Variants in KCNT2 observed in about 807,000 individuals in gnomAD.
KCNT2 encodes potassium sodium-activated channel subfamily T member 2.
In KCNT2, 67 loss-of-function variants were observed where a neutral mutation model predicts 153.8. That is an observed-to-expected ratio of 0.44 (90% CI 0.36 to 0.53). The LOEUF is 0.53. KCNT2 is among the 20% of genes least tolerant of loss of function. The pLI is 0.00. For missense variants in KCNT2, 975 were observed against 1,354.8 expected (o/e 0.72, Z 4.40); for synonymous variants, 500 against 458.8 (o/e 1.09, Z -1.15).
intron 1 of KCNT2, among the ~76,000 whole-genome samples, chr1:196,505,515 T>C (rs9729086): frequency 0.96 from 138,627 of 143,980 alleles, 66,927 homozygotes; most frequent in Non-Finnish European, 1. Context: ...AGTCAGGTAG[T>C]GTGATGCCTC....
At chr1:196,369,814 G>A (rs1039501784) in intron 14 of KCNT2, among the ~76,000 whole-genome samples, 1 of 152,080 alleles carries the variant, frequency 6.6e-6, no homozygotes, top group Non-Finnish European at 1.5e-5. Context: ...ATAGCAGCAT[G>A]ATTTATAGTC....
At chr1:196,297,272 ATAATT>A (rs1159973830) in intron 22 of KCNT2, among the ~76,000 whole-genome samples, 1 of 152,144 alleles carries the variant, frequency 6.6e-6, no homozygotes, top group East Asian at 1.9e-4. Flanking sequence ...CCACATTCTA[ATAATT>A]TAATTTTATT....
At chr1:196,312,236 G>A (rs1380173245) in intron 21 of KCNT2, among the ~76,000 whole-genome samples, 1 of 151,504 alleles carries the variant, frequency 6.6e-6, no homozygotes, top group Non-Finnish European at 1.5e-5. Flanking sequence ...ACTGTGTAGG[G>A]AGGCGAACAG....
chr1:196,504,749 G>A (rs1195131437), intron 1 of KCNT2, among the ~76,000 whole-genome samples: 2 of 152,116 alleles, frequency 1.3e-5, no homozygotes, highest in Non-Finnish European at 2.9e-5. Flanking sequence ...AGCACCTGTT[G>A]TTTCTTGACT....
At chr1:196,451,181 G>T (rs190716351) in intron 8 of KCNT2, among the ~76,000 whole-genome samples, 39 of 135,328 alleles carry the variant, frequency 2.9e-4, no homozygotes, top group African/African-American at 9.2e-4. Flanking sequence ...ATAAATATTC[G>T]CATTGTTAGT....
At chr1:196,425,283 A>G (rs1262958277) in intron 11 of KCNT2, among the ~76,000 whole-genome samples, 1 of 151,948 alleles carries the variant, frequency 6.6e-6, no homozygotes, top group Non-Finnish European at 1.5e-5. Context: ...TGCCTGGTAC[A>G]TGCACAAAAA....
At chr1:196,338,045 T>C (rs1435600707) in intron 16 of KCNT2, among the ~76,000 whole-genome samples, 1 of 152,042 alleles carries the variant, frequency 6.6e-6, no homozygotes, top group Non-Finnish European at 1.5e-5. Context: ...TAAGTACTTT[T>C]TGAAGACATT....
chr1:196,492,271 G>C lies in KCNT2; in HGVS notation c.166C>G (p.Gln56Glu). The change falls in exon 2 of 28, where the codon CAG becomes GAG. Residue 56 changes from glutamine to glutamate, a missense_variant. Coordinates refer to ENST00000294725, the MANE Select transcript of KCNT2 (RefSeq NM_198503.5). ...GAAATGAATAACTTACTTGATCTCT[G>C]GTTTTTTATGAAAAATAATTTTAGT... ...ERLKLFFIKN[Q>E]RSSLRIRLFN... 1 of 1,418,342 alleles carries C rather than the reference G, an allele frequency of 7.1e-7. No individual in the cohort carries two copies. The allele number at this position is 1,418,342 out of a possible 1,614,324, so 87.9% of individuals were successfully genotyped here. A position where few individuals can be genotyped will look rare whatever the true frequency, so the allele number is the denominator to read the frequency against.
At chr1:196,366,838 A>G (rs1668085194) in intron 14 of KCNT2, among the ~76,000 whole-genome samples, 1 of 152,212 alleles carries the variant, frequency 6.6e-6, no homozygotes, top group Non-Finnish European at 1.5e-5. Flanking sequence ...TCTGTCACAC[A>G]GTGAATATTC....
intron 21 of KCNT2, among the ~76,000 whole-genome samples, chr1:196,313,923 T>C (rs773161829): frequency 5.3e-5 from 8 of 151,652 alleles, no homozygotes; most frequent in Non-Finnish European, 1.2e-4. Context: ...AGTTAAGGTA[T>C]CCAAAGTTAT....
chr1:196,481,723 A>G (rs951634980), intron 4 of KCNT2, among the ~76,000 whole-genome samples: 2 of 152,204 alleles, frequency 1.3e-5, no homozygotes, highest in African/African-American at 4.8e-5. Flanking sequence ...AAAACAAAAC[A>G]AAGAAGTAAC....
At chr1:196,512,449 CT>C (rs745751257) in intron 1 of KCNT2, among the ~76,000 whole-genome samples, 17 of 152,128 alleles carry the variant, frequency 1.1e-4, no homozygotes, top group Non-Finnish European at 2.5e-4. Flanking sequence ...ACTTAAATTC[CT>C]TGTTCTCTTC....
Position 196,417,720 on chromosome 1 carries a change from C to T in KCNT2, c.1185+5330G>A, listed in dbSNP as rs186400130. Among the ~76,000 whole-genome samples, 614 of 152,204 alleles carry T rather than the reference C, an allele frequency of 4.0e-3. 8 individuals carry two copies. Among genetic ancestry groups the T allele is most frequent in the Middle Eastern group, 0.014 (4 of 294 alleles). On this transcript the variant is annotated intron_variant, in intron 12 of 27. Transcript: ENST00000294725. ...GCGATGGGGATATATTCTGAGAAAT[C>T]CATCATTAGACGATTTTGTCATTGG...
intron 22 of KCNT2, among the ~76,000 whole-genome samples, chr1:196,304,125 T>TA (rs1444465666): frequency 1.3e-5 from 2 of 152,062 alleles, no homozygotes; most frequent in Admixed American, 1.3e-4. Context: ...CCTGTGGCCA[T>TA]AAAAAAGCAG....
intron 8 of KCNT2, among the ~76,000 whole-genome samples, chr1:196,438,319 G>C (rs993432714): frequency 3.3e-5 from 5 of 151,698 alleles, no homozygotes; most frequent in African/African-American, 1.2e-4. Context: ...AGAGAAAGTG[G>C]TGATAAGAAC....
intron 25 of KCNT2, among the ~76,000 whole-genome samples, chr1:196,266,350 C>A (rs906105017): frequency 3.9e-5 from 6 of 152,068 alleles, no homozygotes; most frequent in Non-Finnish European, 8.8e-5. Flanking sequence ...AGGTACCTCC[C>A]CTTACTCTTA....
chr1:196,303,811 T>A (rs938315288), intron 22 of KCNT2, among the ~76,000 whole-genome samples: 2 of 152,188 alleles, frequency 1.3e-5, no homozygotes, highest in African/African-American at 4.8e-5. Flanking sequence ...GGCTTCTTCA[T>A]CACAAGTGAT....
chr1:196,319,758 T>A (rs1460311662), intron 19 of KCNT2, among the ~76,000 whole-genome samples: 1 of 151,842 alleles, frequency 6.6e-6, no homozygotes, highest in Non-Finnish European at 1.5e-5. Context: ...CTCAGAATTA[T>A]AAAAACAAGT....
At chr1:196,456,173 G>GA (rs1357097338) in intron 8 of KCNT2, among the ~76,000 whole-genome samples, 1 of 151,962 alleles carries the variant, frequency 6.6e-6, no homozygotes, top group Non-Finnish European at 1.5e-5. Flanking sequence ...AGTGGAGGAG[G>GA]AAAAGGATGT....
Sources: gnomAD v4.1 joint callset for allele counts (sites outside exome capture counted in the v4.1 genomes callset) on GRCh38, gnomAD v4.1.1 for gene constraint, MANE v1.5 for transcripts, NCBI Gene and HGNC (gene_info 2026-07-23, HGNC 2026-07-21) for gene names.